Variants in LRP1B observed in about 807,000 individuals in gnomAD.
LRP1B encodes the protein LDL receptor related protein 1B.
A neutral mutation model predicts 556.6 loss-of-function variants in LRP1B; 217 were observed. The ratio of observed to expected loss-of-function variants is 0.39; its 90% CI spans 0.35 to 0.44. LRP1B has a LOEUF of 0.44. Ranked by LOEUF, LRP1B falls within the 20% of genes least tolerant of loss-of-function variation. LRP1B has a pLI of 1.00. For missense variants in LRP1B, 5,053 were observed against 5,620.8 expected (o/e 0.90, Z 3.23); for synonymous variants, 2,047 against 1,865.8 (o/e 1.10, Z -2.50).
At chr2:140,659,870 GATT>G (rs1426936322) in intron 41 of LRP1B, among the ~76,000 whole-genome samples, 1 of 152,014 alleles carries the variant, frequency 6.6e-6, no homozygotes, top group Non-Finnish European at 1.5e-5. Context: ...AAGAAAAATA[GATT>G]ATTTGGGGAG....
intron 2 of LRP1B, among the ~76,000 whole-genome samples, chr2:141,555,899 G>A (rs756268293): frequency 6.6e-5 from 10 of 151,854 alleles, no homozygotes; most frequent in Non-Finnish European, 1.3e-4. Flanking sequence ...GAGGAAAAGG[G>A]TAAGTAAGCC....
At chr2:140,771,102 T>C (rs1573695410) in intron 33 of LRP1B, 96 bp from the exon 34 acceptor site, 2 of 815,548 alleles carry the variant, frequency 2.5e-6, no homozygotes, top group Non-Finnish European at 3.7e-6. Context: ...TGTATGCTAT[T>C]GATTTCTAAA....
intron 1 of LRP1B, among the ~76,000 whole-genome samples, chr2:141,911,243 T>C (rs901619427): frequency 6.6e-6 from 1 of 152,198 alleles, no homozygotes; most frequent in African/African-American, 2.4e-5. Context: ...CGGTTTTGTA[T>C]TACATTTAAT....
intron 3 of LRP1B, among the ~76,000 whole-genome samples, chr2:141,303,384 T>A (rs1363331482): frequency 2.6e-5 from 4 of 152,148 alleles, no homozygotes; most frequent in African/African-American, 9.7e-5. Context: ...TACTCCTACA[T>A]ATCTGTACAG....
At chr2:141,777,696 T>G (rs1297758714) in intron 2 of LRP1B, among the ~76,000 whole-genome samples, 1 of 152,126 alleles carries the variant, frequency 6.6e-6, no homozygotes, top group East Asian at 1.9e-4. Context: ...ATTACAGTCG[T>G]GAGCCACCGC....
chr2:140,614,096 A>T (rs1318150261), intron 41 of LRP1B, among the ~76,000 whole-genome samples: 1 of 151,958 alleles, frequency 6.6e-6, no homozygotes, highest in African/African-American at 2.4e-5. Context: ...AATTATTTAT[A>T]TTTTTTTACT....
intron 18 of LRP1B, among the ~76,000 whole-genome samples, chr2:140,952,199 A>G (rs547677619): frequency 6.6e-6 from 1 of 152,230 alleles, no homozygotes; most frequent in Non-Finnish European, 1.5e-5. Context: ...TGGATTCATT[A>G]TACTGCTAGA....
chr2:140,973,371 A>G (rs1335247472), intron 18 of LRP1B, among the ~76,000 whole-genome samples: 2 of 152,088 alleles, frequency 1.3e-5, no homozygotes, highest in Non-Finnish European at 2.9e-5. Context: ...ACTATGATGG[A>G]TGATGGATTC....
At chr2:140,439,813 G>A (rs371676030) in intron 66 of LRP1B, among the ~76,000 whole-genome samples, 74 of 151,954 alleles carry the variant, frequency 4.9e-4, no homozygotes, top group African/African-American at 1.7e-3. Context: ...GTGAGTACTC[G>A]TAGACCCAAA....
chr2:141,848,976 C>T (rs10172953), intron 1 of LRP1B, among the ~76,000 whole-genome samples: 4 of 151,342 alleles, frequency 2.6e-5, no homozygotes, highest in Non-Finnish European at 5.9e-5. Context: ...CAGATAAATT[C>T]TGTGTGTCCA....
At chr2:141,889,469 G>A (rs1225185048) in intron 1 of LRP1B, among the ~76,000 whole-genome samples, 3 of 152,128 alleles carry the variant, frequency 2.0e-5, no homozygotes, top group Non-Finnish European at 4.4e-5. Flanking sequence ...TGAGACTCAG[G>A]AGATAGAACA....
At position 140,298,854 on chromosome 2, in the gene LRP1B, GAGA is replaced by G. The variant is rs138199326; in HGVS notation, c.12806-888_12806-886del. Among the ~76,000 whole-genome samples the G allele has an allele frequency of 4.6e-3, 696 of 152,196 alleles. 3 individuals are homozygous for G. Among genetic ancestry groups the G allele is most frequent in the African/African-American group, 0.016 (645 of 41,534 alleles). Reference sequence around the variant, plus strand: ...ATATGGAACTAGCTCTGTAGGAGAAGAGAAGGAGAAAGAAAACAAAATGAATGG... The same window carrying G: ...ATATGGAACTAGCTCTGTAGGAGAAGAGGAGAAAGAAAACAAAATGAATGG... On this transcript the variant is annotated intron_variant, in intron 83 of 90. Transcript: ENST00000389484.
chr2:140,772,487 T>A (rs1375466597), intron 33 of LRP1B, among the ~76,000 whole-genome samples: 2 of 151,968 alleles, frequency 1.3e-5, no homozygotes, highest in Admixed American at 6.6e-5. Flanking sequence ...TTTTTGTATT[T>A]TTAGGAGAGA....
intron 79 of LRP1B, among the ~76,000 whole-genome samples, chr2:140,326,689 C>T (rs1680499765): frequency 6.8e-6 from 1 of 148,020 alleles, no homozygotes; most frequent in African/African-American, 2.6e-5. Context: ...CAGAGTGAGA[C>T]CCCCTGCCTC....
intron 2 of LRP1B, among the ~76,000 whole-genome samples, chr2:141,494,601 T>C (rs973640658): frequency 3.3e-5 from 5 of 151,784 alleles, no homozygotes; most frequent in African/African-American, 4.8e-5. Flanking sequence ...TAAACAGAGC[T>C]GAATGTCTTC....
In LRP1B at chr2:141,335,946, G is replaced by A. The variant is rs575886155; in HGVS notation, c.344-81305C>T. ...TTGATTGACTTCGTTAAAATAATATGAAGCATACTAACACATATGTTTTTA... is the reference window on the plus strand; with the variant it reads ...TTGATTGACTTCGTTAAAATAATATAAAGCATACTAACACATATGTTTTTA... On this transcript the variant is annotated intron_variant, in intron 3 of 90. Transcript: ENST00000389484. Among the ~76,000 whole-genome samples, 3 of 152,192 alleles carry A rather than the reference G, an allele frequency of 2.0e-5. No individual in the cohort carries two copies. The South Asian group carries it at 6.2e-4, about 32-fold the overall frequency.
chr2:141,810,168 G>GAAA lies in LRP1B; in HGVS notation c.205+110_205+111insTTT, dbSNP rs1553467624. 1,132 of 235,588 alleles carry GAAA rather than the reference G, an allele frequency of 4.8e-3. 45 individuals carry two copies. The highest frequency in any genetic ancestry group is 0.037 in the Middle Eastern group (40 of 1,092). 14.6% of individuals were successfully genotyped at this position (235,588 alleles called of 1,614,324 possible). A position where few individuals can be genotyped will look rare whatever the true frequency, so the allele number is the denominator to read the frequency against. On this transcript the variant is annotated intron_variant, in intron 2 of 90. Transcript: ENST00000389484. ...AAGAAAGAAAGAAAGAAAGAAAGAA[G>GAAA]GAAAGAAAGAAAGAAAGAATCATCT...
chr2:142,051,394 C>A (rs1395777361), intron 1 of LRP1B, among the ~76,000 whole-genome samples: 2 of 151,788 alleles, frequency 1.3e-5, no homozygotes. Flanking sequence ...AGGATGTTCA[C>A]CACAATCAGC....
chr2:140,366,105 G>T (rs962492727), intron 71 of LRP1B, among the ~76,000 whole-genome samples: 4 of 151,676 alleles, frequency 2.6e-5, no homozygotes, highest in Non-Finnish European at 5.9e-5. Context: ...CTGGTGTGGA[G>T]AATTCAGAAA....
Sources: allele counts gnomAD v4.1 joint callset (sites outside exome capture counted in the v4.1 genomes callset), GRCh38; gene constraint gnomAD v4.1.1; transcripts MANE v1.5; gene names NCBI Gene and HGNC (gene_info 2026-07-23, HGNC 2026-07-21).